FNDC3A: variants seen among roughly 807,000 people sequenced by gnomAD.
FNDC3A encodes fibronectin type-III domain-containing protein 3A.
A neutral mutation model predicts 148.9 loss-of-function variants in FNDC3A; 32 were observed. The ratio of observed to expected loss-of-function variants is 0.21; its 90% CI spans 0.16 to 0.29. The LOEUF (loss-of-function observed/expected upper bound fraction) is 0.29, where lower values mean the gene tolerates loss of function less well. Among genes scored for constraint, FNDC3A ranks in the 10% least tolerant of loss-of-function variants. The pLI, the probability that FNDC3A is intolerant of heterozygous loss-of-function variation, is 1.00. For synonymous variants in FNDC3A, 472 were observed against 473.6 expected (o/e 1.00, Z 0.04); for missense variants, 1,191 against 1,452.8 (o/e 0.82, Z 2.93).
At chr13:49,119,847 T>G (rs955705212) in intron 4 of FNDC3A, among the ~76,000 whole-genome samples, 3 of 151,954 alleles carry the variant, frequency 2.0e-5, no homozygotes, top group African/African-American at 7.2e-5. Flanking sequence ...ATGTGAAAAG[T>G]CCAAACCTAT....
intron 3 of FNDC3A, among the ~76,000 whole-genome samples, chr13:49,112,695 C>T (rs1362626792): frequency 6.6e-6 from 1 of 152,142 alleles, no homozygotes; most frequent in African/African-American, 2.4e-5. Context: ...TTGAATCCCA[C>T]TTCTACCACT....
intron 1 of FNDC3A, among the ~76,000 whole-genome samples, chr13:49,003,374 C>T (rs571438331): frequency 6.6e-6 from 1 of 152,212 alleles, no homozygotes; most frequent in Non-Finnish European, 1.5e-5. Flanking sequence ...CACATTTCTA[C>T]TTTTGTGGAG....
At chr13:49,165,859 G>A (rs1884427514) in intron 8 of FNDC3A, among the ~76,000 whole-genome samples, 1 of 152,046 alleles carries the variant, frequency 6.6e-6, no homozygotes. Context: ...GGTGGTACAT[G>A]CAGATGGGTG....
At chr13:49,082,850 A>G (rs1373629114) in intron 3 of FNDC3A, among the ~76,000 whole-genome samples, 1 of 152,106 alleles carries the variant, frequency 6.6e-6, no homozygotes, top group Non-Finnish European at 1.5e-5. Context: ...TGTGGCATGT[A>G]AGAACTTGAG....
chr13:49,147,818 A>G (rs1272799666), intron 8 of FNDC3A, among the ~76,000 whole-genome samples: 1 of 152,148 alleles, frequency 6.6e-6, no homozygotes, highest in African/African-American at 2.4e-5. Flanking sequence ...ACTTGTATCC[A>G]TATTGGTTGT....
At chr13:49,112,781 G>A (rs957417285) in intron 3 of FNDC3A, among the ~76,000 whole-genome samples, 49 of 152,074 alleles carry the variant, frequency 3.2e-4, no homozygotes, top group African/African-American at 1.2e-3. Flanking sequence ...ATATTTACCT[G>A]ATAGAATGAT....
chr13:49,067,046 T>C (rs1319300029), intron 2 of FNDC3A, among the ~76,000 whole-genome samples: 1 of 152,158 alleles, frequency 6.6e-6, no homozygotes, highest in Non-Finnish European at 1.5e-5. Context: ...GAGTGGCTTA[T>C]AATAGACATG....
At chr13:49,143,581 G>A (rs144814745) in intron 7 of FNDC3A, among the ~76,000 whole-genome samples, 1 of 152,134 alleles carries the variant, frequency 6.6e-6, no homozygotes, top group East Asian at 1.9e-4. Context: ...GCTGGGTAAA[G>A]GATAGACAGG....
chr13:49,121,874 A>G (rs1377136951), intron 4 of FNDC3A, among the ~76,000 whole-genome samples: 1 of 152,194 alleles, frequency 6.6e-6, no homozygotes, highest in African/African-American at 2.4e-5. Context: ...AACAACCAAA[A>G]AAAGCCCAGG....
At chr13:49,148,076 GT>G (rs1048433284) in intron 8 of FNDC3A, among the ~76,000 whole-genome samples, 2 of 152,034 alleles carry the variant, frequency 1.3e-5, no homozygotes, top group Non-Finnish European at 2.9e-5. Flanking sequence ...GATTATTTGT[GT>G]TTTTCCTGTT....
chr13:49,047,886 G>GT (rs957617944), intron 2 of FNDC3A, among the ~76,000 whole-genome samples: 1 of 152,056 alleles, frequency 6.6e-6, no homozygotes, highest in Non-Finnish European at 1.5e-5. Context: ...GTCTAGAAGG[G>GT]TTTTTTTCTC....
chr13:49,192,930 AT>A (rs1250205557), intron 19 of FNDC3A, among the ~76,000 whole-genome samples: 1 of 152,236 alleles, frequency 6.6e-6, no homozygotes, highest in Non-Finnish European at 1.5e-5. Flanking sequence ...AATAAAATCC[AT>A]TCAGCATGCT....
intron 8 of FNDC3A, 52 bp downstream of exon 8, chr13:49,145,987 A>G: frequency 7.2e-7 from 1 of 1,384,190 alleles, no homozygotes; most frequent in Non-Finnish European, 9.9e-7. Flanking sequence ...ATGGTTTATT[A>G]TAAAGAGCTT....
chr13:49,167,188 C>A (rs976709862), intron 8 of FNDC3A, 56 bp from the exon 9 acceptor site: 2 of 1,042,700 alleles, frequency 1.9e-6, no homozygotes, highest in Non-Finnish European at 2.9e-6. Flanking sequence ...ATATAATGTA[C>A]ATTGGTTGAA....
At chr13:49,128,601 A>G (rs955175215) in intron 4 of FNDC3A, among the ~76,000 whole-genome samples, 40 of 152,254 alleles carry the variant, frequency 2.6e-4, no homozygotes, top group African/African-American at 8.9e-4. Flanking sequence ...CTTCTGCCCA[A>G]AACTTTGTGA....
intron 2 of FNDC3A, among the ~76,000 whole-genome samples, chr13:49,030,356 A>C (rs1874021035): frequency 6.6e-6 from 1 of 152,170 alleles, no homozygotes; most frequent in African/African-American, 2.4e-5. Context: ...CAAGCAATAG[A>C]AGGGAACGTC....
chr13:49,148,197 C>CT (rs1370678546), intron 8 of FNDC3A, among the ~76,000 whole-genome samples: 4 of 152,130 alleles, frequency 2.6e-5, no homozygotes, highest in African/African-American at 9.7e-5. Context: ...GTTGTTTCCT[C>CT]TGCTGTGCAA....
chr13:49,051,352 G>A (rs1875829745), intron 2 of FNDC3A, among the ~76,000 whole-genome samples: 1 of 152,118 alleles, frequency 6.6e-6, no homozygotes, highest in Admixed American at 6.5e-5. Context: ...AGCAGTTCTT[G>A]TAGTGCTGGC....
At chr13:49,037,287 C>T (rs1330131076) in intron 2 of FNDC3A, among the ~76,000 whole-genome samples, 2 of 152,194 alleles carry the variant, frequency 1.3e-5, no homozygotes, top group Non-Finnish European at 2.9e-5. Flanking sequence ...CTCATTTAAT[C>T]ATCACAAGAA....
Sources: gnomAD v4.1 joint callset for allele counts (sites outside exome capture counted in the v4.1 genomes callset) on GRCh38, gnomAD v4.1.1 for gene constraint, MANE v1.5 for transcripts, NCBI Gene and HGNC (gene_info 2026-07-23, HGNC 2026-07-21) for gene names.